RSRC1: variants seen among roughly 807,000 people sequenced by gnomAD.
RSRC1 encodes the protein arginine and serine rich coiled-coil 1, also known as serine/Arginine-related protein 53.
RSRC1 carries 39 observed loss-of-function variants against 49.1 expected under a neutral mutation model. The observed-to-expected ratio is 0.79, with a 90% confidence interval of 0.61 to 1.04. The LOEUF (loss-of-function observed/expected upper bound fraction) is 1.04. RSRC1 is among the 50% of genes least tolerant of loss of function. RSRC1 has a pLI of 0.00. For missense variants in RSRC1, 388 were observed against 402.4 expected (o/e 0.96, Z 0.31); for synonymous variants, 143 against 130.8 (o/e 1.09, Z -0.63).
intron 4 of RSRC1, among the ~76,000 whole-genome samples, chr3:158,259,233 T>C (rs757528513): frequency 6.6e-6 from 1 of 152,198 alleles, no homozygotes; most frequent in Non-Finnish European, 1.5e-5. Flanking sequence ...CGAGTATTCA[T>C]AGGGACTTGG....
chr3:158,473,407 G>C, intron 7 of RSRC1, among the ~76,000 whole-genome samples: 1 of 151,722 alleles, frequency 6.6e-6, no homozygotes, highest in East Asian at 1.9e-4. Context: ...GCAAACTATC[G>C]CAAGGACAAA....
chr3:158,431,653 G>T (rs765970659), intron 6 of RSRC1, among the ~76,000 whole-genome samples: 45 of 151,894 alleles, frequency 3.0e-4, no homozygotes, highest in Admixed American at 6.6e-4. Flanking sequence ...TGCTTAACAA[G>T]ATTTCACATT....
intron 5 of RSRC1, among the ~76,000 whole-genome samples, chr3:158,338,075 C>G (rs1430967542): frequency 6.6e-6 from 1 of 152,222 alleles, no homozygotes; most frequent in Admixed American, 6.5e-5. Context: ...TATGGGCTCT[C>G]AAGCAAGTCC....
intron 8 of RSRC1, among the ~76,000 whole-genome samples, chr3:158,541,651 A>G (rs2108509156): frequency 6.6e-6 from 1 of 152,362 alleles, no homozygotes; most frequent in Non-Finnish European, 1.5e-5. Flanking sequence ...GTTCAGAATT[A>G]TAGATAAGTT....
intron 4 of RSRC1, among the ~76,000 whole-genome samples, chr3:158,215,015 C>A (rs1369950439): frequency 6.8e-6 from 1 of 147,046 alleles, no homozygotes; most frequent in African/African-American, 2.5e-5. Flanking sequence ...AACTATAATT[C>A]TGTATTTTGT....
At chr3:158,476,433 G>T (rs1333740357) in intron 7 of RSRC1, among the ~76,000 whole-genome samples, 1 of 152,150 alleles carries the variant, frequency 6.6e-6, no homozygotes, top group East Asian at 1.9e-4. Context: ...TGATGTCAAA[G>T]CTTCGAAGAA....
chr3:158,169,482 A>G (rs1718742005), intron 3 of RSRC1, among the ~76,000 whole-genome samples: 1 of 152,104 alleles, frequency 6.6e-6, no homozygotes, highest in Admixed American at 6.6e-5. Context: ...GGAATGCTGC[A>G]AACCCTTTAT....
At chr3:158,155,225 C>A (rs1378700269) in intron 3 of RSRC1, among the ~76,000 whole-genome samples, 1 of 152,088 alleles carries the variant, frequency 6.6e-6, no homozygotes, top group Non-Finnish European at 1.5e-5. Context: ...TTACTTTGCC[C>A]AGATTCATCA....
chr3:158,443,858 G>T (rs377154317), intron 6 of RSRC1, among the ~76,000 whole-genome samples: 2 of 152,128 alleles, frequency 1.3e-5, no homozygotes, highest in Non-Finnish European at 2.9e-5. Flanking sequence ...AAAGGCTATT[G>T]TAGGGTTGCT....
chr3:158,277,529 C>T (rs1040773022), intron 4 of RSRC1, among the ~76,000 whole-genome samples: 4 of 152,112 alleles, frequency 2.6e-5, no homozygotes, highest in Non-Finnish European at 2.9e-5. Context: ...ATTTTCTTTA[C>T]ACTTGCATTA....
At chr3:158,170,503 TG>T (rs1432693837) in intron 3 of RSRC1, among the ~76,000 whole-genome samples, 16 of 152,188 alleles carry the variant, frequency 1.1e-4, no homozygotes, top group Non-Finnish European at 4.4e-5. Context: ...CAACTAAAAA[TG>T]CTGGACCGAA....
intron 7 of RSRC1, among the ~76,000 whole-genome samples, chr3:158,477,826 A>ATATATATATG (rs1491151938): frequency 7.4e-6 from 1 of 134,604 alleles, no homozygotes; most frequent in African/African-American, 2.7e-5. Flanking sequence ...ATATATATAT[A>ATATATATATG]TGAAAGCCCT....
At chr3:158,418,394 T>A (rs1189127978) in intron 6 of RSRC1, among the ~76,000 whole-genome samples, 1 of 151,994 alleles carries the variant, frequency 6.6e-6, no homozygotes, top group Non-Finnish European at 1.5e-5. Flanking sequence ...TTTACAATAA[T>A]ACTTATTTAT....
intron 4 of RSRC1, among the ~76,000 whole-genome samples, chr3:158,275,645 A>G (rs1362804122): frequency 6.6e-6 from 1 of 152,238 alleles, no homozygotes; most frequent in African/African-American, 2.4e-5. Context: ...GAAACAAGAC[A>G]CACCATCACT....
chr3:158,153,023 T>G (rs1455767470), intron 3 of RSRC1, among the ~76,000 whole-genome samples: 1 of 152,164 alleles, frequency 6.6e-6, no homozygotes, highest in Non-Finnish European at 1.5e-5. Context: ...GCTCTGTAAA[T>G]TTCTCAGGTA....
At chr3:158,367,045 T>A (rs553430083) in intron 6 of RSRC1, among the ~76,000 whole-genome samples, 11 of 152,312 alleles carry the variant, frequency 7.2e-5, no homozygotes, top group African/African-American at 2.2e-4. Flanking sequence ...GATTTTGGGC[T>A]GAGATGATGG....
In RSRC1 at chr3:158,123,897, T is replaced by C; in HGVS notation, c.226T>C (p.Tyr76His). 11 of 1,612,266 alleles carry C rather than the reference T, an allele frequency of 6.8e-6. No homozygotes were observed. Among genetic ancestry groups the C allele is most frequent in the Non-Finnish European group, 9.3e-6 (11 of 1,178,796 alleles). Reference sequence around the variant, plus strand: ...GCATCGATCAAGCAGTAGCTCTTCTTATGGCTCCAGAAGGAAACGAAGTCG... The same window carrying C: ...GCATCGATCAAGCAGTAGCTCTTCTCATGGCTCCAGAAGGAAACGAAGTCG... ...RRHRSSSSSS[Y>H]GSRRKRSRSR... Residue 76 changes from tyrosine to histidine, a missense_variant, in exon 3 of 10, where the codon TAT becomes CAT. Tyr to His is a moderately conservative substitution (Grantham distance 83, BLOSUM62 2). Coordinates refer to ENST00000611884, the MANE Select transcript of RSRC1 (RefSeq NM_001271838.2).
At chr3:158,265,145 A>G (rs1473321910) in intron 4 of RSRC1, among the ~76,000 whole-genome samples, 1 of 152,150 alleles carries the variant, frequency 6.6e-6, no homozygotes, top group East Asian at 1.9e-4. Context: ...ACCTGTAATT[A>G]CAGGCCTTCA....
intron 6 of RSRC1, among the ~76,000 whole-genome samples, chr3:158,424,657 C>T (rs1385328894): frequency 1.3e-5 from 2 of 151,602 alleles, no homozygotes; most frequent in Non-Finnish European, 2.9e-5. Context: ...AGGAATGGTA[C>T]CAGTTCCTCC....
Sources: gnomAD v4.1 joint callset for allele counts (sites outside exome capture counted in the v4.1 genomes callset) on GRCh38, gnomAD v4.1.1 for gene constraint, MANE v1.5 for transcripts, NCBI Gene and HGNC (gene_info 2026-07-23, HGNC 2026-07-21) for gene names.